PIKFYVE: variants seen among roughly 807,000 people sequenced by gnomAD.
The protein encoded by PIKFYVE is phosphoinositide kinase, FYVE-type zinc finger containing.
Under a neutral mutation model 257.9 loss-of-function variants are expected in PIKFYVE, and 122 were observed. The ratio of observed to expected loss-of-function variants is 0.47; its 90% confidence interval spans 0.41 to 0.55. The LOEUF is 0.55. Ranked by LOEUF, PIKFYVE falls within the 20% of genes least tolerant of loss-of-function variation. The probability of loss-of-function intolerance (pLI) is 0.00; values close to 1 mark genes in which losing one functional copy is unlikely to be tolerated. For synonymous variants in PIKFYVE, 892 were observed against 868.9 expected, an observed-to-expected ratio of 1.03 and a Z score of -0.47; for missense variants, 2,160 against 2,536.6, an observed-to-expected ratio of 0.85 and a Z score of 3.19.
rs544125993 is a variant in PIKFYVE at position 208,339,914 on chromosome 2, A to G, written c.4811-97A>G. On this transcript the variant is annotated intron_variant, in intron 30 of 41. Coordinates refer to ENST00000264380, the MANE Select transcript of PIKFYVE (RefSeq NM_015040.4). ...AAACTGTTATTGGTATAGTATACAT[A>G]TGTCCATATTCCGAAAGGAAAAGAA... 57 of 1,343,044 alleles carry G rather than the reference A, an allele frequency of 4.2e-5. No individual in the cohort carries two copies. In the African/African-American group the frequency reaches 7.9e-4, roughly 19 times the overall value. The allele number at this position is 1,343,044 out of a possible 1,614,324, so 83.2% of individuals were successfully genotyped here.
chr2:208,283,690 C>T (rs1321725895), intron 5 of PIKFYVE, among the ~76,000 whole-genome samples: 1 of 152,152 alleles, frequency 6.6e-6, no homozygotes, highest in African/African-American at 2.4e-5. Flanking sequence ...AAGCAATCCT[C>T]CTACCTCTCC....
At chr2:208,354,894 A>G (rs946966706) in intron 41 of PIKFYVE, among the ~76,000 whole-genome samples, 3 of 152,210 alleles carry the variant, frequency 2.0e-5, no homozygotes, top group African/African-American at 7.2e-5. Context: ...TGAATAAGAG[A>G]TTGTCTTTAA....
chr2:208,324,890 C>G (rs2125578134), intron 18 of PIKFYVE, 21 bp from the exon 19 acceptor site: 1 of 1,611,684 alleles, frequency 6.2e-7, no homozygotes, highest in East Asian at 2.2e-5. Flanking sequence ...TTTTGTAATA[C>G]AATGTTTTTC....
At chr2:208,329,376 A>G (rs1697270151) in intron 21 of PIKFYVE, among the ~76,000 whole-genome samples, 1 of 152,152 alleles carries the variant, frequency 6.6e-6, no homozygotes, top group South Asian at 2.1e-4. Flanking sequence ...TAAGATGTGG[A>G]TTTCAACAGT....
At chr2:208,279,302 C>A (rs1690504471) in intron 5 of PIKFYVE, among the ~76,000 whole-genome samples, 1 of 152,008 alleles carries the variant, frequency 6.6e-6, no homozygotes. Context: ...GATATTAGAT[C>A]TTTGTCAGAT....
intron 4 of PIKFYVE, among the ~76,000 whole-genome samples, 198 bp from the exon 5 acceptor site, chr2:208,277,339 G>A (rs1286709919): frequency 1.3e-5 from 2 of 152,092 alleles, no homozygotes; most frequent in East Asian, 1.9e-4. Context: ...TTAAGAATAA[G>A]TCTTGATGGC....
intron 3 of PIKFYVE, chr2:208,274,153 A>C: frequency 3.1e-6 from 4 of 1,300,936 alleles, no homozygotes; most frequent in Non-Finnish European, 4.4e-6. Flanking sequence ...CAACTCCATT[A>C]TTGGGCTGCC....
At chr2:208,287,249 G>A (rs2125166443) in intron 6 of PIKFYVE, among the ~76,000 whole-genome samples, 1 of 150,048 alleles carries the variant, frequency 6.7e-6, no homozygotes. Context: ...CACAGTCAGT[G>A]GTAGTGTACT....
Position 208,320,348 on chromosome 2 carries a change from A to T in PIKFYVE, c.2179A>T (p.Ile727Phe). Residue 727 changes from isoleucine (I) to phenylalanine (F), a missense_variant, in exon 17 of 42, where the codon ATT (isoleucine) becomes TTT (phenylalanine). Ile to Phe is a conservative substitution (Grantham distance 21). Coordinates refer to ENST00000264380, the MANE Select transcript of PIKFYVE (RefSeq NM_015040.4). Reference sequence around the variant, plus strand: ...AACTAAGTTTACTTGCATTGATCCTATTGTGCTTCAGGTAAGAATTTACTA... The same window carrying T: ...AACTAAGTTTACTTGCATTGATCCTTTTGTGCTTCAGGTAAGAATTTACTA... ...EETKFTCIDPIVLQEREFLKN... is the reference protein window; with the variant it reads ...EETKFTCIDPFVLQEREFLKN... The T allele has an allele frequency of 6.2e-7, 1 of 1,612,006 alleles. No individual in the cohort carries two copies. Among genetic ancestry groups the T allele is most frequent in the Non-Finnish European group, 8.5e-7 (1 of 1,178,578 alleles).
intron 20 of PIKFYVE, 107 bp from the exon 21 acceptor site, chr2:208,328,073 C>A: frequency 6.3e-7 from 1 of 1,588,690 alleles, no homozygotes; most frequent in African/African-American, 1.3e-5. Flanking sequence ...ACCAGAGCCC[C>A]CACAGTGATA....
intron 7 of PIKFYVE, among the ~76,000 whole-genome samples, chr2:208,290,206 C>T (rs1328864540): frequency 2.0e-5 from 3 of 152,168 alleles, no homozygotes; most frequent in African/African-American, 7.2e-5. Context: ...TGTATAATGA[C>T]GTGCGTCTGT....
intron 25 of PIKFYVE, 108 bp from the exon 26 acceptor site, chr2:208,335,684 TA>T: frequency 3.1e-6 from 3 of 962,042 alleles, no homozygotes; most frequent in Admixed American, 2.0e-5. Context: ...CTTAATTAGG[TA>T]AAACATAATT....
In PIKFYVE at chr2:208,340,266, T is replaced by C; in HGVS notation, c.4931+135T>C. The C allele has an allele frequency of 4.3e-6, 5 of 1,170,864 alleles. No homozygotes were observed. The South Asian group carries it at 5.5e-5, about 13-fold the overall frequency. 72.5% of individuals were successfully genotyped at this position (1,170,864 alleles called of 1,614,324 possible). On this transcript the variant is annotated intron_variant, in intron 31 of 41. Transcript: ENST00000264380. ...TTATTTCATTTTAGTAAAAGAGATGTCTTTTGATACAATGTAATTTGTAGA... is the reference window on the plus strand; with the variant it reads ...TTATTTCATTTTAGTAAAAGAGATGCCTTTTGATACAATGTAATTTGTAGA...
In PIKFYVE at chr2:208,317,953, CAGTTCAGCAGTGA is replaced by C. The variant is rs72402005; in HGVS notation, c.2082+22_2082+34del. 0.14 allele frequency: 218,539 copies of C among 1,606,884 alleles called. 15,774 individuals carry two copies. Among genetic ancestry groups the C allele is most frequent in the African/African-American group, 0.19 (14,493 of 74,770 alleles). On this transcript the variant is annotated intron_variant, in intron 16 of 41. Coordinates refer to ENST00000264380, the MANE Select transcript of PIKFYVE (RefSeq NM_015040.4). ...TTGCACATAAAAAGGTAATGTGATT[CAGTTCAGCAGTGA>C]AGTTCAGCAAACCATGGCTGTGTGC...
chr2:208,357,907 A>G lies in PIKFYVE; in HGVS notation c.*2602A>G, dbSNP rs550777691. On this transcript the variant is annotated 3_prime_UTR_variant, in exon 42 of 42. Transcript: ENST00000264380. ...CTATGTCAGTAACATGTTGCTTTGTATAAAAATCTTATTTATAAATGTGAA... is the reference window on the plus strand; with the variant it reads ...CTATGTCAGTAACATGTTGCTTTGTGTAAAAATCTTATTTATAAATGTGAA... 5 of 152,362 alleles carry G rather than the reference A, an allele frequency of 3.3e-5. No individual in the cohort carries two copies. In the East Asian group the frequency reaches 9.6e-4, roughly 29 times the overall value. The allele number at this position is 152,362 out of a possible 1,614,324, so 9.4% of individuals were successfully genotyped here.
intron 33 of PIKFYVE, among the ~76,000 whole-genome samples, chr2:208,345,838 C>A (rs546894507): frequency 2.0e-5 from 3 of 152,180 alleles, no homozygotes; most frequent in East Asian, 1.9e-4. Context: ...TTTATAGTTA[C>A]AGCATTTCAC....
At chr2:208,319,753 T>C (rs572966402) in intron 16 of PIKFYVE, among the ~76,000 whole-genome samples, 1 of 152,342 alleles carries the variant, frequency 6.6e-6, no homozygotes, top group Admixed American at 6.5e-5. Flanking sequence ...GAACTTCATG[T>C]TTCCTATTTC....
intron 15 of PIKFYVE, among the ~76,000 whole-genome samples, chr2:208,317,424 A>G (rs1197313874): frequency 2.3e-5 from 1 of 42,762 alleles, no homozygotes. Context: ...TCAAAACCAC[A>G]ATGCGATTTT....
intron 1 of PIKFYVE, among the ~76,000 whole-genome samples, chr2:208,271,155 C>T (rs1294174600): frequency 1.3e-5 from 2 of 151,992 alleles, no homozygotes; most frequent in Middle Eastern, 3.2e-3. Context: ...TCTTCCGAAA[C>T]ATCTTAAAAT....
Sources: gnomAD v4.1 joint callset for allele counts (sites outside exome capture counted in the v4.1 genomes callset) on GRCh38, gnomAD v4.1.1 for gene constraint, MANE v1.5 for transcripts, NCBI Gene and HGNC (gene_info 2026-07-23, HGNC 2026-07-21) for gene names.